SULT2A1: variants seen among roughly 807,000 people sequenced by gnomAD.
SULT2A1 encodes the protein sulfotransferase 2A1.
A neutral mutation model predicts 33.9 loss-of-function variants in SULT2A1; 43 were observed. The ratio of observed to expected loss-of-function variants is 1.27; its 90% confidence interval spans 1.00 to 1.64. SULT2A1 has a LOEUF of 1.64. Among genes scored for constraint, SULT2A1 ranks in the 40% most tolerant of loss-of-function variants. SULT2A1 has a pLI of 0.00. For synonymous variants in SULT2A1, 125 were observed against 113.6 expected (o/e 1.10, Z -0.64); for missense variants, 300 against 335.1 (o/e 0.90, Z 0.82).
At chr19:47,874,270 G>A (rs757785747) in intron 5 of SULT2A1, among the ~76,000 whole-genome samples, 10 of 152,108 alleles carry the variant, frequency 6.6e-5, no homozygotes, top group African/African-American at 9.7e-5. Context: ...GCCGGGCGCC[G>A]TGGCTCATGC....
At chr19:47,884,733 C>T (rs1218204389) in intron 1 of SULT2A1, among the ~76,000 whole-genome samples, 3 of 149,826 alleles carry the variant, frequency 2.0e-5, no homozygotes, top group African/African-American at 4.9e-5. Flanking sequence ...TGACCTCAAG[C>T]AATCTGCCTA....
At chr19:47,872,649 C>T (rs1020399960) in intron 5 of SULT2A1, among the ~76,000 whole-genome samples, 2 of 152,016 alleles carry the variant, frequency 1.3e-5, no homozygotes, top group Admixed American at 6.6e-5. Context: ...TGCTGTATTT[C>T]GCCTCATAAC....
intron 3 of SULT2A1, among the ~76,000 whole-genome samples, chr19:47,879,768 G>A (rs2547236): frequency 0.45 from 60,732 of 134,918 alleles, 14,123 homozygotes; most frequent in East Asian, 0.67. Flanking sequence ...ATCACACACC[G>A]GGGCCTGTCA....
At chr19:47,878,917 C>T (rs1968574894) in intron 4 of SULT2A1, 119 bp downstream of exon 4, 2 of 743,528 alleles carry the variant, frequency 2.7e-6, no homozygotes, top group Non-Finnish European at 2.5e-6. Context: ...TGTGACTCTT[C>T]ACCAGGCTCC....
At chr19:47,879,725 A>T (rs2122151028) in intron 3 of SULT2A1, among the ~76,000 whole-genome samples, 1 of 143,698 alleles carries the variant, frequency 7.0e-6, no homozygotes, top group South Asian at 2.3e-4. Context: ...TGGGAATTGA[A>T]CAATGAGAAC....
Position 47,879,269 on chromosome 19 carries a change from C to T in SULT2A1, c.473-139G>A, listed in dbSNP as rs1162821424. 4.7e-6 allele frequency: 3 copies of T among 632,756 alleles called. No individual in the cohort carries two copies. The African/African-American group carries it at 5.5e-5, about 12-fold the overall frequency. The allele number at this position is 632,756 out of a possible 1,614,324, so 39.2% of individuals were successfully genotyped here. On this transcript the variant is annotated intron_variant, in intron 3 of 5. Transcript: ENST00000222002. Reference sequence around the variant, plus strand: ...TGAATGAAACTTGGTCGAAGGGGACCAACAAATGGTATATATTTACAGTAT... The same window carrying T: ...TGAATGAAACTTGGTCGAAGGGGACTAACAAATGGTATATATTTACAGTAT...
intron 4 of SULT2A1, among the ~76,000 whole-genome samples, chr19:47,875,898 C>T (rs1197000144): frequency 2.0e-5 from 3 of 152,098 alleles, no homozygotes; most frequent in African/African-American, 7.2e-5. Context: ...GTACTGTTTC[C>T]CATAACTAGC....
At chr19:47,878,245 T>C (rs1272532657) in intron 4 of SULT2A1, among the ~76,000 whole-genome samples, 2 of 152,158 alleles carry the variant, frequency 1.3e-5, no homozygotes, top group Non-Finnish European at 1.5e-5. Context: ...GGTGTGATCA[T>C]AGCTCACTGC....
intron 3 of SULT2A1, 149 bp from the exon 4 acceptor site, chr19:47,879,279 T>C: frequency 1.6e-6 from 1 of 620,384 alleles, no homozygotes; most frequent in Non-Finnish European, 2.9e-6. Flanking sequence ...CAACAAATGG[T>C]ATATATTTAC....
chr19:47,878,698 G>A (rs749706754), intron 4 of SULT2A1, among the ~76,000 whole-genome samples: 9 of 151,800 alleles, frequency 5.9e-5, no homozygotes, highest in Non-Finnish European at 1.3e-4. Context: ...TGTATTTGTA[G>A]TAGAGATGGG....
At position 47,871,281 on chromosome 19, in the gene SULT2A1, T is replaced by C. The variant is rs296366; in HGVS notation, c.*174A>G. 0.79 allele frequency: 471,276 copies of C among 594,596 alleles called. 187,997 individuals carry two copies. Among genetic ancestry groups the C allele is most frequent in the African/African-American group, 0.94 (50,372 of 53,604 alleles). The allele number at this position is 594,596 out of a possible 1,614,324, so 36.8% of individuals were successfully genotyped here. The stretch of plus-strand genomic sequence containing the variant: ...CTGGGATTACAGGCATGAACCACCG[T>C]GCCTGGCCAACCCTGGTAACTTTTA... On this transcript the variant is annotated 3_prime_UTR_variant, in exon 6 of 6. Coordinates refer to ENST00000222002, the MANE Select transcript of SULT2A1 (RefSeq NM_003167.4).
chr19:47,879,193 T>G (rs536737288), intron 3 of SULT2A1, 63 bp from the exon 4 acceptor site: 1 of 955,870 alleles, frequency 1.0e-6, no homozygotes, highest in Admixed American at 1.7e-5. Context: ...ATCCAGTCTA[T>G]TATGTTCATC....
At position 47,874,749 on chromosome 19, in the gene SULT2A1, C is replaced by G. The variant is rs1423607864; in HGVS notation, c.653G>C (p.Ser218Thr). The change falls in exon 5 of 6, where the codon AGC becomes ACC. Residue 218 changes from serine to threonine, a missense_variant. Ser to Thr is a moderately conservative substitution (Grantham distance 58, BLOSUM62 1). Coordinates refer to ENST00000222002, the MANE Select transcript of SULT2A1 (RefSeq NM_003167.4). ...GTTTTCTTTCATGCTCTGAAAGGAG[C>G]TGTTCTTGAGAATTAAGTTCAGTTC... The part of the protein sequence containing the change: ...PEELNLILKN[S>T]SFQSMKENKM... 6.2e-7 allele frequency: 1 copy of G among 1,613,938 alleles called. No homozygotes were observed. Among genetic ancestry groups the G allele is most frequent in the Non-Finnish European group, 8.5e-7 (1 of 1,179,850 alleles).
intron 5 of SULT2A1, among the ~76,000 whole-genome samples, chr19:47,872,090 G>A (rs1299886393): frequency 6.6e-6 from 1 of 151,974 alleles, no homozygotes; most frequent in Non-Finnish European, 1.5e-5. Context: ...GCTAATTTTT[G>A]TATTTTTAGT....
At chr19:47,881,001 G>A (rs1439698519) in intron 3 of SULT2A1, among the ~76,000 whole-genome samples, 1 of 152,084 alleles carries the variant, frequency 6.6e-6, no homozygotes, top group Non-Finnish European at 1.5e-5. Flanking sequence ...CATGAGGGGT[G>A]GAGTAAGATA....
rs773020500 is a variant in SULT2A1 at position 47,883,830 on chromosome 19, C to T, written c.137-45G>A. The T allele has an allele frequency of 1.7e-5, 26 of 1,571,914 alleles. No homozygotes were observed. In the African/African-American group the frequency reaches 2.2e-4, roughly 13 times the overall value. On this transcript the variant is annotated intron_variant, in intron 1 of 5. Transcript: ENST00000222002. Reference sequence around the variant, plus strand: ...AATATATAAAATGTACCATCTCAGCCGGACATGGTGGCTCACGCCTGTAAT... The same window carrying T: ...AATATATAAAATGTACCATCTCAGCTGGACATGGTGGCTCACGCCTGTAAT...
In SULT2A1 at chr19:47,874,775, T is replaced by C; in HGVS notation, c.627A>G (p.Glu209=). 6.2e-7 allele frequency: 1 copy of C among 1,614,152 alleles called. No individual in the cohort carries two copies. Among genetic ancestry groups the C allele is most frequent in the Non-Finnish European group, 8.5e-7 (1 of 1,180,012 alleles). ...TGTTCTTGAGAATTAAGTTCAGTTC[T>C]TCGGGTTCTAACGTCTTTCCCAGGA... ...CQFLGKTLEP[E]ELNLILKNSS... Residue 209 remains glutamate, a synonymous_variant, in exon 5 of 6, where the codon GAA becomes GAG. Coordinates refer to ENST00000222002, the MANE Select transcript of SULT2A1 (RefSeq NM_003167.4).
chr19:47,873,914 C>A (rs1226449046), intron 5 of SULT2A1, among the ~76,000 whole-genome samples: 1 of 151,584 alleles, frequency 6.6e-6, no homozygotes, highest in African/African-American at 2.4e-5. Flanking sequence ...TGAGCCACCG[C>A]ACCCGGCCCA....
intron 4 of SULT2A1, among the ~76,000 whole-genome samples, chr19:47,876,844 G>A (rs937545270): frequency 2.0e-5 from 3 of 150,070 alleles, no homozygotes; most frequent in Admixed American, 1.4e-4. Flanking sequence ...GGAGGCCTAC[G>A]GGAGGATTGC....
Sources: gnomAD v4.1 joint callset for allele counts (sites outside exome capture counted in the v4.1 genomes callset) on GRCh38, gnomAD v4.1.1 for gene constraint, MANE v1.5 for transcripts, NCBI Gene and HGNC (gene_info 2026-07-23, HGNC 2026-07-21) for gene names.